Variants in CD180 observed in about 807,000 individuals in gnomAD.
CD180 encodes CD180 molecule.
In CD180, 11 loss-of-function variants were observed where a neutral mutation model predicts 10.7. That is an observed-to-expected ratio of 1.03 (90% CI 0.65 to 1.70). CD180 has a LOEUF of 1.70. CD180 is among the 40% of genes most tolerant of loss of function. CD180 has a pLI of 0.00. For missense variants in CD180, 729 were observed against 775.2 expected, an observed-to-expected ratio of 0.94 and a Z score of 0.71; for synonymous variants, 286 against 294.6, an observed-to-expected ratio of 0.97 and a Z score of 0.30.
chr5:67,184,335 A>G lies in CD180; in HGVS notation c.508T>C (p.Phe170Leu). 6.2e-7 allele frequency: 1 copy of G among 1,614,220 alleles called. No homozygotes were observed. Among genetic ancestry groups the G allele is most frequent in the African/African-American group, 1.3e-5 (1 of 75,064 alleles). ...HISSIKFPKDFPARNLKVLDF... is the reference protein window; with the variant it reads ...HISSIKFPKDLPARNLKVLDF... The stretch of plus-strand genomic sequence containing the variant: ...AGTACTTTCAGATTCCGTGCTGGGA[A>G]GTCTTTGGGGAACTTAATGGAGGAA... The change falls in exon 3 of 3, where the codon TTC (phenylalanine) becomes CTC (leucine). Residue 170 changes from phenylalanine (F) to leucine (L), a missense_variant. By Grantham distance (22) the Phe-to-Leu change is conservative (BLOSUM62 0). Coordinates refer to ENST00000256447, the MANE Select transcript of CD180 (RefSeq NM_005582.3).
chr5:67,196,376 C>A (rs1377864005), intron 1 of CD180, among the ~76,000 whole-genome samples, 176 bp downstream of exon 1: 2 of 152,116 alleles, frequency 1.3e-5, no homozygotes, highest in Non-Finnish European at 2.9e-5. Flanking sequence ...ACCAGATGAT[C>A]CCCTGGCAGA....
rs566956175 is a variant in CD180, at chr5:67,181,937, C to T, written c.*920G>A. On this transcript the variant is annotated 3_prime_UTR_variant, in exon 3 of 3. Coordinates refer to ENST00000256447, the MANE Select transcript of CD180 (RefSeq NM_005582.3). ...TAAATGTGCTAATTCAAATGCTCTC[C>T]GAAGCAAATAGGCTTTTAAGGGCAA... The T allele has an allele frequency of 6.6e-6, 1 of 152,294 alleles. No individual in the cohort carries two copies. The highest frequency in any genetic ancestry group is 2.1e-4 in the South Asian group (1 of 4,832). 9.4% of individuals were successfully genotyped at this position (152,294 alleles called of 1,614,324 possible).
intron 2 of CD180, among the ~76,000 whole-genome samples, chr5:67,185,287 T>TCACACA (rs1742166777): frequency 4.6e-5 from 2 of 43,432 alleles, no homozygotes. Context: ...CTGTCCCCTC[T>TCACACA]TACACACACA....
At chr5:67,193,566 A>G (rs924749592) in intron 1 of CD180, among the ~76,000 whole-genome samples, 2 of 152,208 alleles carry the variant, frequency 1.3e-5, no homozygotes, top group African/African-American at 4.8e-5. Flanking sequence ...AACAAAAGAA[A>G]ATACAGATCT....
chr5:67,185,824 G>A, intron 2 of CD180, 27 bp downstream of exon 2: 2 of 1,514,098 alleles, frequency 1.3e-6, no homozygotes, highest in South Asian at 1.3e-5. Context: ...TAAAATAAAA[G>A]AGCACACAAA....
rs780717813 is a variant in CD180 at position 67,183,671 on chromosome 5, T to G, written c.1172A>C (p.Gln391Pro). Residue 391 changes from glutamine to proline, a missense_variant, in exon 3 of 3, where the codon CAA becomes CCA. Transcript: ENST00000256447. ...TTGCAAGTGGGACAGGTTTTTGAGT[T>G]GCAGACTGCAGCAGTCAGAAGCCTC... ...DIEASDCCSL[Q>P]LKNLSHLQTL... 1.9e-6 allele frequency: 3 copies of G among 1,614,136 alleles called. No individual in the cohort carries two copies. Among genetic ancestry groups the G allele is most frequent in the Non-Finnish European group, 2.5e-6 (3 of 1,180,028 alleles).
intron 1 of CD180, among the ~76,000 whole-genome samples, chr5:67,189,013 A>G (rs979825677): frequency 1.3e-5 from 2 of 152,146 alleles, no homozygotes; most frequent in African/African-American, 4.8e-5. Flanking sequence ...GACGACCCAG[A>G]GAGAATATGT....
At position 67,184,131 on chromosome 5, in the gene CD180, TA is replaced by T. The variant is rs1251135854; in HGVS notation, c.711del (p.Ile238TyrfsTer68). On this transcript the variant is annotated frameshift_variant, in exon 3 of 3. Coordinates refer to ENST00000256447, the MANE Select transcript of CD180 (RefSeq NM_005582.3). LOFTEE classifies it low-confidence loss of function (END_TRUNC). The stretch of plus-strand genomic sequence containing the variant: ...GTAGAGTTCTGCAGACCATTGAATA[TA>T]ACAGACAAATTTGGAGTTCCTCCAA... ...LNFGGTPNLS[V>X]IFNGLQNSTT... is the part of the protein sequence containing the mutation. 6.2e-7 allele frequency: 1 copy of T among 1,614,156 alleles called. No homozygotes were observed. The highest frequency in any genetic ancestry group is 8.5e-7 in the Non-Finnish European group (1 of 1,180,020).
Position 67,184,141 on chromosome 5 carries a change from A to T in CD180, c.702T>A (p.Asn234Lys), listed in dbSNP as rs1935141329. Residue 234 changes from asparagine to lysine, a missense_variant, in exon 3 of 3, where the codon AAT becomes AAA. Asn to Lys is a moderately conservative substitution (Grantham distance 94). Transcript: ENST00000256447. The stretch of plus-strand genomic sequence containing the variant: ...GCAGACCATTGAATATAACAGACAA[A>T]TTTGGAGTTCCTCCAAAGTTCAAAC... ...FQSLNFGGTP[N>K]LSVIFNGLQN... The T allele has an allele frequency of 6.2e-7, 1 of 1,613,944 alleles. No individual in the cohort carries two copies.
chr5:67,183,559 TG>T lies in CD180; in HGVS notation c.1283del (p.Ala428AspfsTer23). The T allele has an allele frequency of 1.9e-6, 3 of 1,614,194 alleles. No homozygotes were observed. Among genetic ancestry groups the T allele is most frequent in the Non-Finnish European group, 2.5e-6 (3 of 1,180,036 alleles). ...ECPQLELLDL[A>X]FTRLHINAPQ... is the part of the protein sequence containing the mutation. Reference sequence around the variant, plus strand: ...GAGCATTAATGTGTAAGCGGGTAAATGCCAAATCGAGGAGTTCTAGCTGAGG... The same window carrying T: ...GAGCATTAATGTGTAAGCGGGTAAATCCAAATCGAGGAGTTCTAGCTGAGG... On this transcript the variant is annotated frameshift_variant, in exon 3 of 3. Coordinates refer to ENST00000256447, the MANE Select transcript of CD180 (RefSeq NM_005582.3). LOFTEE classifies it low-confidence loss of function (END_TRUNC).
In CD180 at chr5:67,181,504, G is replaced by A. The variant is rs933440409; in HGVS notation, c.*1353C>T. On this transcript the variant is annotated 3_prime_UTR_variant, in exon 3 of 3. Coordinates refer to ENST00000256447, the MANE Select transcript of CD180 (RefSeq NM_005582.3). ...CCCCAAGTTTTCACTCTGTTATGAT[G>A]TCCCACTAGTATGCCTTCAACTTAA... 9 of 152,318 alleles carry A rather than the reference G, an allele frequency of 5.9e-5. No individual in the cohort carries two copies. Among genetic ancestry groups the A allele is most frequent in the Middle Eastern group, 3.4e-3 (1 of 294 alleles). The allele number at this position is 152,318 out of a possible 1,614,324, so 9.4% of individuals were successfully genotyped here. A position where few individuals can be genotyped will look rare whatever the true frequency, so the allele number is the denominator to read the frequency against.
Position 67,182,983 on chromosome 5 carries a change from A to G in CD180, c.1860T>C (p.Asp620=), listed in dbSNP as rs544924019. 1.2e-6 allele frequency: 2 copies of G among 1,614,238 alleles called. No homozygotes were observed. The highest frequency in any genetic ancestry group is 2.2e-5 in the South Asian group (2 of 91,088). Residue 620 remains aspartate (D), a synonymous_variant, in exon 3 of 3, where the codon GAT becomes GAC. Coordinates refer to ENST00000256447, the MANE Select transcript of CD180 (RefSeq NM_005582.3). The part of the protein sequence containing the change: ...PPSLRGVKLS[D]VKLSCGITAI... ...CTGTAATCCCACAGGAAAGCTTGAC[A>G]TCAGATAGCTTAACTCCCCTTAGAG...
chr5:67,184,451 A>C lies in CD180; in HGVS notation c.392T>G (p.Phe131Cys), dbSNP rs1171839975. Residue 131 changes from phenylalanine to cysteine, a missense_variant, in exon 3 of 3, where the codon TTC (phenylalanine) becomes TGC (cysteine). Coordinates refer to ENST00000256447, the MANE Select transcript of CD180 (RefSeq NM_005582.3). The part of the protein sequence containing the change: ...LNGPKSLKHL[F>C]LIQTGISNLE... The stretch of plus-strand genomic sequence containing the variant: ...ATTGGATATTCCCGTTTGGATTAAG[A>C]AAAGATGCTTCAGTGACTTGGGCCC... 1 of 1,614,102 alleles carries C rather than the reference A, an allele frequency of 6.2e-7. No homozygotes were observed. The highest frequency in any genetic ancestry group is 8.5e-7 in the Non-Finnish European group (1 of 1,180,024).
intron 1 of CD180, chr5:67,190,854 C>T (rs1742291794): frequency 1.2e-6 from 1 of 844,080 alleles, no homozygotes; most frequent in African/African-American, 1.8e-5. Flanking sequence ...CCCTCTCATC[C>T]CACTGTATTT....
Position 67,183,555 on chromosome 5 carries a change from T to C in CD180, c.1288A>G (p.Thr430Ala), listed in dbSNP as rs2230523. The stretch of plus-strand genomic sequence containing the variant: ...TGTGGAGCATTAATGTGTAAGCGGG[T>C]AAATGCCAAATCGAGGAGTTCTAGC... The part of the protein sequence containing the change: ...PQLELLDLAF[T>A]RLHINAPQSP... Residue 430 changes from threonine to alanine, a missense_variant, in exon 3 of 3, where the codon ACC becomes GCC. Thr to Ala is a moderately conservative substitution (Grantham distance 58, BLOSUM62 0). Transcript: ENST00000256447. The C allele has an allele frequency of 3.1e-3, 5,033 of 1,614,134 alleles. 144 individuals are homozygous for C. In the African/African-American group the frequency reaches 0.059, roughly 19 times the overall value.
intron 1 of CD180, chr5:67,190,811 C>T (rs542275388): frequency 2.1e-4 from 96 of 464,146 alleles, no homozygotes; most frequent in African/African-American, 1.9e-3. Flanking sequence ...CAATCAGGCT[C>T]TTATTTTCCT....
rs574768081 is a variant in CD180 at position 67,192,293 on chromosome 5, G to A, written c.90+4259C>T. Among the ~76,000 whole-genome samples, 7 of 152,238 alleles carry A rather than the reference G, an allele frequency of 4.6e-5. No individual in the cohort carries two copies. The South Asian group carries it at 1.5e-3, about 32-fold the overall frequency. ...TAGTCCCAGCTACTCGGGAGGCTGAGGCAGAATGGCGTGAACCTGGGAGGT... is the reference window on the plus strand; with the variant it reads ...TAGTCCCAGCTACTCGGGAGGCTGAAGCAGAATGGCGTGAACCTGGGAGGT... On this transcript the variant is annotated intron_variant, in intron 1 of 2. Coordinates refer to ENST00000256447, the MANE Select transcript of CD180 (RefSeq NM_005582.3).
intron 1 of CD180, among the ~76,000 whole-genome samples, chr5:67,193,198 G>A (rs182911322): frequency 6.6e-6 from 1 of 152,262 alleles, no homozygotes; most frequent in Admixed American, 6.5e-5. Flanking sequence ...TTTATTCACA[G>A]GCTTAATAGG....
At position 67,185,936 on chromosome 5, in the gene CD180, A is replaced by G. The variant is rs556332923; in HGVS notation, c.172T>C (p.Leu58=). 6 of 1,612,156 alleles carry G rather than the reference A, an allele frequency of 3.7e-6. No individual in the cohort carries two copies. The African/African-American group carries it at 8.0e-5, about 21-fold the overall frequency. The part of the protein sequence containing the change: ...PDTLPNTTEF[L]EFSFNFLPTI... ...GGCAAAAAATTAAAGCTGAATTCCA[A>G]AAATTCTGTTGTGTTTGGTAGAGTG... The change falls in exon 2 of 3, where the codon TTG becomes CTG. Residue 58 remains leucine (L), a synonymous_variant. Transcript: ENST00000256447.
Sources: gnomAD v4.1 joint callset for allele counts (sites outside exome capture counted in the v4.1 genomes callset) on GRCh38, gnomAD v4.1.1 for gene constraint, MANE v1.5 for transcripts, NCBI Gene and HGNC (gene_info 2026-07-23, HGNC 2026-07-21) for gene names.